Variants in RAB38 observed in about 807,000 individuals in gnomAD.
The protein encoded by RAB38 is ras-related protein Rab-38.
A neutral mutation model predicts 18.4 loss-of-function variants in RAB38; 15 were observed. That is an observed-to-expected ratio of 0.82 (90% CI 0.55 to 1.26). The LOEUF is 1.26. Among genes scored for constraint, RAB38 ranks in the 50% most tolerant of loss-of-function variants. The pLI is 0.00. For synonymous variants in RAB38, 101 were observed against 104.4 expected (o/e 0.97, Z 0.20); for missense variants, 294 against 267.4 (o/e 1.10, Z -0.69).
At chr11:87,876,654 G>A in the RAB38 span, among the ~76,000 whole-genome samples, 5 of 151,530 alleles carry the variant, frequency 3.3e-5, no homozygotes, top group Non-Finnish European at 7.4e-5. Flanking sequence ...TAGGGCTCAT[G>A]CACATCTTTG....
At chr11:88,076,202 A>G in the RAB38 span, among the ~76,000 whole-genome samples, 1 of 151,992 alleles carries the variant, frequency 6.6e-6, no homozygotes, top group Non-Finnish European at 1.5e-5. Context: ...ATATACCAAT[A>G]AATTAGAAAA....
chr11:88,121,116 C>T (rs1293889816), intron 2 of RAB38, among the ~76,000 whole-genome samples: 1 of 152,226 alleles, frequency 6.6e-6, no homozygotes, highest in Non-Finnish European at 1.5e-5. Flanking sequence ...GTAGCCTTCT[C>T]TTAGCACCAT....
chr11:87,826,323 T>A, the RAB38 span, among the ~76,000 whole-genome samples: 5 of 152,110 alleles, frequency 3.3e-5, no homozygotes, highest in Non-Finnish European at 7.4e-5. Context: ...AGATTATGCA[T>A]ATTTATTGTA....
chr11:87,929,098 A>G, the RAB38 span, among the ~76,000 whole-genome samples: 7 of 151,974 alleles, frequency 4.6e-5, no homozygotes, highest in Non-Finnish European at 1.0e-4. Flanking sequence ...CTGGGCAACA[A>G]AGCGAGACTC....
the RAB38 span, among the ~76,000 whole-genome samples, chr11:87,940,133 G>A: frequency 6.8e-6 from 1 of 148,014 alleles, no homozygotes; most frequent in Non-Finnish European, 1.5e-5. Flanking sequence ...AAATGTAACA[G>A]GAAAGAAAGA....
At chr11:88,151,033 T>TGTG (rs1161740392) in intron 1 of RAB38, among the ~76,000 whole-genome samples, 1 of 152,150 alleles carries the variant, frequency 6.6e-6, no homozygotes, top group Non-Finnish European at 1.5e-5. Flanking sequence ...TAAGTTTTGT[T>TGTG]GTTGTTGTTG....
the RAB38 span, among the ~76,000 whole-genome samples, chr11:87,864,328 A>G: frequency 6.7e-6 from 1 of 149,932 alleles, no homozygotes; most frequent in South Asian, 2.1e-4. Flanking sequence ...TATTTATATT[A>G]ATATGTTATA....
chr11:87,829,126 C>A, the RAB38 span, among the ~76,000 whole-genome samples: 1 of 152,156 alleles, frequency 6.6e-6, no homozygotes, highest in East Asian at 1.9e-4. Context: ...TTTTAGAACA[C>A]TCCTGCAAAG....
the RAB38 span, among the ~76,000 whole-genome samples, chr11:87,912,889 T>C: frequency 1.3e-4 from 20 of 149,118 alleles, 1 homozygote; most frequent in African/African-American, 5.1e-4. Context: ...TTTTATTTTA[T>C]TTTACTTTAA....
chr11:87,953,794 C>T, the RAB38 span, among the ~76,000 whole-genome samples: 4 of 150,936 alleles, frequency 2.7e-5, no homozygotes, highest in African/African-American at 9.7e-5. Context: ...CTGAACAATA[C>T]TGTATGTTTC....
the RAB38 span, among the ~76,000 whole-genome samples, chr11:88,033,188 G>A: frequency 6.6e-6 from 1 of 151,948 alleles, no homozygotes; most frequent in South Asian, 2.1e-4. Context: ...GAGAACACAT[G>A]GACACAGGAA....
the RAB38 span, among the ~76,000 whole-genome samples, chr11:88,033,936 C>T: frequency 6.6e-6 from 1 of 151,916 alleles, no homozygotes; most frequent in Admixed American, 6.6e-5. Context: ...AACGTGTTAG[C>T]CAGGATGGTC....
At chr11:88,157,237 T>C (rs1444983179) in intron 1 of RAB38, among the ~76,000 whole-genome samples, 1 of 152,126 alleles carries the variant, frequency 6.6e-6, no homozygotes, top group Non-Finnish European at 1.5e-5. Context: ...AACAGTCAAA[T>C]AGGACCAAAA....
chr11:88,015,627 C>A, the RAB38 span, among the ~76,000 whole-genome samples: 11 of 152,128 alleles, frequency 7.2e-5, no homozygotes, highest in Non-Finnish European at 1.5e-4. Context: ...GGATAAGACT[C>A]CAGGAGAGGA....
At chr11:88,026,742 G>C in the RAB38 span, among the ~76,000 whole-genome samples, 1 of 151,970 alleles carries the variant, frequency 6.6e-6, no homozygotes, top group South Asian at 2.1e-4. Context: ...AGTAAATGCA[G>C]AAGTTTTCAA....
chr11:88,070,660 G>A, the RAB38 span, among the ~76,000 whole-genome samples: 2 of 152,178 alleles, frequency 1.3e-5, no homozygotes, highest in Non-Finnish European at 2.9e-5. Context: ...CTGGTTGCCA[G>A]ACATCAGAAT....
chr11:87,804,943 CA>C, the RAB38 span, among the ~76,000 whole-genome samples: 3 of 152,056 alleles, frequency 2.0e-5, no homozygotes, highest in African/African-American at 4.8e-5. Context: ...AATTTGAATT[CA>C]AAAAAAGTCG....
At chr11:87,912,314 G>A in the RAB38 span, among the ~76,000 whole-genome samples, 21 of 151,890 alleles carry the variant, frequency 1.4e-4, no homozygotes, top group Non-Finnish European at 2.8e-4. Context: ...ATTCCCCAGT[G>A]AAGACATTTC....
the RAB38 span, among the ~76,000 whole-genome samples, chr11:87,959,526 T>C: frequency 6.6e-6 from 1 of 152,210 alleles, no homozygotes; most frequent in African/African-American, 2.4e-5. Context: ...TATGTGTTTC[T>C]ATAAGTATCT....
Sources: allele counts gnomAD v4.1 joint callset (sites outside exome capture counted in the v4.1 genomes callset), GRCh38; gene constraint gnomAD v4.1.1; transcripts MANE v1.5; gene names NCBI Gene and HGNC (gene_info 2026-07-23, HGNC 2026-07-21).